Variants in CPXM2 observed in about 807,000 individuals in gnomAD.
The protein encoded by CPXM2 is inactive carboxypeptidase-like protein X2.
Under a neutral mutation model 86.1 loss-of-function variants are expected in CPXM2, and 66 were observed. The observed-to-expected ratio is 0.77, with a 90% confidence interval of 0.63 to 0.94. The LOEUF (loss-of-function observed/expected upper bound fraction) is 0.94. Among genes scored for constraint, CPXM2 ranks in the 40% least tolerant of loss-of-function variants. CPXM2 has a pLI of 0.00. For synonymous variants in CPXM2, 388 were observed against 400.2 expected (o/e 0.97, Z 0.36); for missense variants, 948 against 1,026.3 (o/e 0.92, Z 1.04).
intron 7 of CPXM2, chr10:123,777,213 T>C (rs1846813301): frequency 6.6e-6 from 1 of 152,416 alleles, no homozygotes; most frequent in Non-Finnish European, 1.5e-5. Flanking sequence ...TGTCATTAGA[T>C]GGCTGCCTTC....
chr10:123,917,791 G>A (rs1410743297), intron 2 of CPXM2, among the ~76,000 whole-genome samples: 1 of 152,114 alleles, frequency 6.6e-6, no homozygotes, highest in Admixed American at 6.5e-5. Flanking sequence ...ATTCAAACCT[G>A]GACCACCTGA....
intron 2 of CPXM2, among the ~76,000 whole-genome samples, chr10:123,906,388 A>C (rs909008275): frequency 2.6e-5 from 4 of 152,106 alleles, no homozygotes; most frequent in African/African-American, 9.7e-5. Flanking sequence ...CTCCTCACCC[A>C]CAGTAGCCTC....
intron 4 of CPXM2, among the ~76,000 whole-genome samples, chr10:123,840,325 C>T (rs1848361774): frequency 6.6e-6 from 1 of 152,094 alleles, no homozygotes; most frequent in Non-Finnish European, 1.5e-5. Flanking sequence ...TGTACATACA[C>T]AAAAGTGACT....
At chr10:123,840,077 T>C (rs775898461) in intron 4 of CPXM2, among the ~76,000 whole-genome samples, 56 of 152,212 alleles carry the variant, frequency 3.7e-4, no homozygotes, top group Non-Finnish European at 6.9e-4. Context: ...AATACAATAA[T>C]AACCCGACTA....
intron 6 of CPXM2, among the ~76,000 whole-genome samples, chr10:123,791,530 T>G (rs546279170): frequency 6.6e-6 from 1 of 152,222 alleles, no homozygotes; most frequent in Non-Finnish European, 1.5e-5. Flanking sequence ...CTGCAACCCT[T>G]GGCTTGTAGC....
intron 2 of CPXM2, among the ~76,000 whole-genome samples, chr10:123,906,888 GTGGATGTC>G (rs1945447289): frequency 6.6e-6 from 1 of 152,174 alleles, no homozygotes; most frequent in Non-Finnish European, 1.5e-5. Flanking sequence ...TGCTTTCCAG[GTGGATGTC>G]TGGCTGCCTC....
chr10:123,903,233 A>G (rs568288734), intron 2 of CPXM2, among the ~76,000 whole-genome samples: 1 of 152,314 alleles, frequency 6.6e-6, no homozygotes, highest in South Asian at 2.1e-4. Context: ...GGCCTAGGCC[A>G]CAGAGGGATC....
At chr10:123,791,252 AC>A (rs1455812520) in intron 6 of CPXM2, among the ~76,000 whole-genome samples, 1 of 152,150 alleles carries the variant, frequency 6.6e-6, no homozygotes, top group Non-Finnish European at 1.5e-5. Flanking sequence ...CATCTCTACT[AC>A]AAAAACTACA....
chr10:123,789,709 C>T (rs2134048465), intron 6 of CPXM2, among the ~76,000 whole-genome samples: 1 of 152,276 alleles, frequency 6.6e-6, no homozygotes, highest in East Asian at 1.9e-4. Context: ...CACACCTGAA[C>T]AAGGGAGGGG....
chr10:123,758,819 C>T (rs1033115487), intron 11 of CPXM2, among the ~76,000 whole-genome samples: 11 of 152,162 alleles, frequency 7.2e-5, no homozygotes, highest in Non-Finnish European at 1.3e-4. Flanking sequence ...GTCAGGGTCA[C>T]AGAAAGCAGG....
rs1240635200 is a variant in CPXM2 at position 123,865,714 on chromosome 10, G to A, written c.404-2991C>T. Among the ~76,000 whole-genome samples, 2 of 152,274 alleles carry A rather than the reference G, an allele frequency of 1.3e-5. No homozygotes were observed. Among genetic ancestry groups the A allele is most frequent in the African/African-American group, 4.8e-5 (2 of 41,540 alleles). On this transcript the variant is annotated intron_variant, in intron 2 of 13. Coordinates refer to ENST00000241305, the MANE Select transcript of CPXM2 (RefSeq NM_198148.3). This position sits in a 1 kb window ranked among gnomAD's most constrained non-coding sequence, Gnocchi z 4.7. Reference sequence around the variant, plus strand: ...ACAACCGACATGGGGCACGGGACGGGCACCTGCAGCTACTGCCCAGAGCTG... The same window carrying A: ...ACAACCGACATGGGGCACGGGACGGACACCTGCAGCTACTGCCCAGAGCTG...
chr10:123,920,962 C>T (rs929443342), intron 2 of CPXM2, among the ~76,000 whole-genome samples: 3 of 152,096 alleles, frequency 2.0e-5, no homozygotes, highest in Non-Finnish European at 4.4e-5. Flanking sequence ...TCCCAGCCTC[C>T]AGAACTCTCA....
At chr10:123,890,661 T>C (rs906184394) in intron 1 of CPXM2, among the ~76,000 whole-genome samples, 1 of 152,188 alleles carries the variant, frequency 6.6e-6, no homozygotes, top group African/African-American at 2.4e-5. Context: ...TTAGTGGAAG[T>C]CATTTTCCTA....
intron 2 of CPXM2, among the ~76,000 whole-genome samples, chr10:123,933,585 G>C (rs1020102793): frequency 1.3e-5 from 2 of 152,060 alleles, no homozygotes; most frequent in Non-Finnish European, 2.9e-5. Flanking sequence ...AGGGGTGGTG[G>C]CATATGCCTG....
intron 6 of CPXM2, among the ~76,000 whole-genome samples, chr10:123,786,116 C>A (rs1220890508): frequency 2.0e-5 from 3 of 152,182 alleles, no homozygotes; most frequent in African/African-American, 7.2e-5. Flanking sequence ...TTGGCCAATG[C>A]CCACTGATTT....
intron 3 of CPXM2, among the ~76,000 whole-genome samples, chr10:123,854,406 TTA>T (rs1449722815): frequency 8.8e-6 from 1 of 113,802 alleles, no homozygotes. Flanking sequence ...TATATATATA[TTA>T]TATATAAAAT....
chr10:123,939,993 G>A (rs1182887444), intron 1 of CPXM2, among the ~76,000 whole-genome samples: 1 of 152,210 alleles, frequency 6.6e-6, no homozygotes, highest in African/African-American at 2.4e-5. Flanking sequence ...ATTAGAGCAA[G>A]GAGACTTAGA....
chr10:123,813,386 C>T (rs757961763), intron 4 of CPXM2, among the ~76,000 whole-genome samples: 1 of 152,160 alleles, frequency 6.6e-6, no homozygotes, highest in Non-Finnish European at 1.5e-5. Context: ...TTCTCCATAC[C>T]TGGATGCTCT....
chr10:123,768,986 A>C (rs1589978370), intron 8 of CPXM2, among the ~76,000 whole-genome samples: 1 of 152,248 alleles, frequency 6.6e-6, no homozygotes. Context: ...TACCAAGAAC[A>C]GATCAAATAA....
Sources: gnomAD v4.1 joint callset for allele counts (sites outside exome capture counted in the v4.1 genomes callset) on GRCh38, gnomAD v4.1.1 for gene constraint, Gnocchi (gnomAD v3.1) non-coding constraint, MANE v1.5 for transcripts, NCBI Gene and HGNC (gene_info 2026-07-23, HGNC 2026-07-21) for gene names.